BABAM2: variants seen among roughly 807,000 people sequenced by gnomAD.
BABAM2 encodes the protein BRISC and BRCA1 A complex member 2.
A neutral mutation model predicts 54.7 loss-of-function variants in BABAM2; 31 were observed. The ratio of observed to expected loss-of-function variants is 0.57; its 90% CI spans 0.43 to 0.77. The LOEUF is 0.77. Ranked by LOEUF, BABAM2 falls within the 30% of genes least tolerant of loss-of-function variation. BABAM2 has a pLI of 0.00. For synonymous variants in BABAM2, 167 were observed against 162.9 expected, an observed-to-expected ratio of 1.03 and a Z score of -0.19; for missense variants, 364 against 455.8, an observed-to-expected ratio of 0.80 and a Z score of 1.83.
chr2:27,940,909 A>G (rs1002084907), intron 3 of BABAM2, among the ~76,000 whole-genome samples: 4 of 152,222 alleles, frequency 2.6e-5, no homozygotes, highest in Middle Eastern at 6.8e-3. Flanking sequence ...TTGTCACTGT[A>G]TTCTAACCGC....
At chr2:27,967,880 T>C (rs1670939192) in intron 3 of BABAM2, among the ~76,000 whole-genome samples, 1 of 152,288 alleles carries the variant, frequency 6.6e-6, no homozygotes, top group East Asian at 1.9e-4. Flanking sequence ...ATGATTTAGG[T>C]TTCCAGCGGA....
chr2:28,199,077 T>G (rs527287719), intron 7 of BABAM2, among the ~76,000 whole-genome samples: 1 of 152,360 alleles, frequency 6.6e-6, no homozygotes, highest in South Asian at 2.1e-4. Flanking sequence ...TCCCAGCCTT[T>G]CTTTAAGTGC....
At chr2:28,026,571 G>A (rs776436476) in intron 5 of BABAM2, among the ~76,000 whole-genome samples, 35 of 150,200 alleles carry the variant, frequency 2.3e-4, no homozygotes, top group African/African-American at 4.4e-4. Flanking sequence ...ATCACACACC[G>A]GTGCCTGTTG....
At chr2:28,107,392 C>T (rs1343096961) in intron 6 of BABAM2, among the ~76,000 whole-genome samples, 3 of 152,210 alleles carry the variant, frequency 2.0e-5, no homozygotes, top group Non-Finnish European at 4.4e-5. Context: ...AGTTCCTTAA[C>T]TAAAATGCAT....
chr2:27,900,549 T>C (rs991853854), intron 2 of BABAM2, among the ~76,000 whole-genome samples: 5 of 152,194 alleles, frequency 3.3e-5, no homozygotes, highest in Admixed American at 6.5e-5. Flanking sequence ...TTCGTACTTT[T>C]CACATGTAAT....
At chr2:27,953,658 AT>A (rs949971354) in intron 3 of BABAM2, among the ~76,000 whole-genome samples, 3 of 151,910 alleles carry the variant, frequency 2.0e-5, no homozygotes, top group East Asian at 1.9e-4. Context: ...AAAAAAAAAA[AT>A]ATTTCTTTTT....
chr2:28,212,567 A>G (rs1338146638), intron 7 of BABAM2, among the ~76,000 whole-genome samples: 1 of 152,180 alleles, frequency 6.6e-6, no homozygotes, highest in East Asian at 1.9e-4. Context: ...TAAAAATATA[A>G]TATTTCTAGT....
At chr2:28,014,234 C>CA (rs1428657639) in intron 4 of BABAM2, among the ~76,000 whole-genome samples, 2 of 151,680 alleles carry the variant, frequency 1.3e-5, no homozygotes, top group African/African-American at 4.8e-5. Flanking sequence ...TCAATTTTTC[C>CA]AAAAAAAGAT....
intron 4 of BABAM2, among the ~76,000 whole-genome samples, chr2:28,007,974 A>G (rs1478974457): frequency 6.6e-6 from 1 of 152,072 alleles, no homozygotes; most frequent in Non-Finnish European, 1.5e-5. Context: ...AATATACCTA[A>G]TTTTGTTTAT....
At chr2:28,131,889 A>G (rs1670109215) in intron 7 of BABAM2, among the ~76,000 whole-genome samples, 2 of 152,196 alleles carry the variant, frequency 1.3e-5, no homozygotes, top group South Asian at 4.1e-4. Flanking sequence ...GATGTGGGCA[A>G]TATGAATATA....
At chr2:27,965,586 A>T (rs1260217240) in intron 3 of BABAM2, among the ~76,000 whole-genome samples, 3 of 152,032 alleles carry the variant, frequency 2.0e-5, no homozygotes, top group Non-Finnish European at 4.4e-5. Context: ...GACACACTTT[A>T]AAAAAAATCA....
intron 2 of BABAM2, among the ~76,000 whole-genome samples, chr2:27,914,095 A>G (rs980705216): frequency 3.9e-5 from 6 of 152,196 alleles, no homozygotes; most frequent in Non-Finnish European, 7.4e-5. Context: ...CACCAGAATT[A>G]TAGAATTTCA....
intron 4 of BABAM2, among the ~76,000 whole-genome samples, chr2:28,005,826 C>T (rs1339251089): frequency 1.3e-5 from 2 of 152,054 alleles, no homozygotes; most frequent in African/African-American, 2.4e-5. Flanking sequence ...CATCTATACT[C>T]CTATTCACTT....
chr2:27,909,040 A>G (rs1558578485), intron 2 of BABAM2, among the ~76,000 whole-genome samples: 1 of 151,624 alleles, frequency 6.6e-6, no homozygotes, highest in Non-Finnish European at 1.5e-5. Context: ...TTTCTTTATT[A>G]TTATTGTTAT....
At chr2:28,284,266 T>C (rs1252771962) in intron 10 of BABAM2, among the ~76,000 whole-genome samples, 1 of 152,036 alleles carries the variant, frequency 6.6e-6, no homozygotes, top group Non-Finnish European at 1.5e-5. Context: ...CCACCCATGC[T>C]CATAGAAGAA....
chr2:27,954,352 C>T (rs971053493), intron 3 of BABAM2, among the ~76,000 whole-genome samples: 3 of 152,140 alleles, frequency 2.0e-5, no homozygotes, highest in African/African-American at 4.8e-5. Context: ...CAGATTGCAC[C>T]GTAGGAGTGC....
intron 3 of BABAM2, among the ~76,000 whole-genome samples, chr2:27,945,419 A>G (rs904214074): frequency 7.2e-5 from 11 of 152,180 alleles, no homozygotes; most frequent in Admixed American, 2.6e-4. Flanking sequence ...TAATATGTCT[A>G]TCCTTAAGTG....
At chr2:28,120,737 A>G (rs746754091) in intron 6 of BABAM2, among the ~76,000 whole-genome samples, 16 of 152,224 alleles carry the variant, frequency 1.1e-4, no homozygotes, top group South Asian at 2.1e-4. Flanking sequence ...TAAAATATAT[A>G]TTGCTGAAAC....
In BABAM2 at chr2:28,142,268, C is replaced by G. The variant is rs141479371; in HGVS notation, c.680+12888C>G. 2.9e-3 allele frequency among the ~76,000 whole-genome samples: 443 copies of G among 152,182 alleles called. 3 individuals carry two copies. The highest frequency in any genetic ancestry group is 4.2e-3 in the Non-Finnish European group (283 of 68,000). ...ACTAATGACTTAATGAATGGGGAAGCCTTTAGTTTAAAACAAAACAAATGA... is the reference window on the plus strand; with the variant it reads ...ACTAATGACTTAATGAATGGGGAAGGCTTTAGTTTAAAACAAAACAAATGA... On this transcript the variant is annotated intron_variant, in intron 7 of 11. Coordinates refer to ENST00000379624, the MANE Select transcript of BABAM2 (RefSeq NM_199191.3).
Sources: allele counts gnomAD v4.1 joint callset (sites outside exome capture counted in the v4.1 genomes callset), GRCh38; gene constraint gnomAD v4.1.1; transcripts MANE v1.5; gene names NCBI Gene and HGNC (gene_info 2026-07-23, HGNC 2026-07-21).